Variants in CNTN1 observed in about 807,000 individuals in gnomAD.
CNTN1 encodes the protein contactin 1.
Under a neutral mutation model 126.4 loss-of-function variants are expected in CNTN1, and 38 were observed. The observed-to-expected ratio is 0.30, with a 90% CI of 0.23 to 0.39. The LOEUF is 0.39. Ranked by LOEUF, CNTN1 falls within the 10% of genes least tolerant of loss-of-function variation. The pLI is 1.00. For missense variants in CNTN1, 1,009 were observed against 1,248.4 expected (o/e 0.81, Z 2.89); for synonymous variants, 413 against 422.6 (o/e 0.98, Z 0.28).
chr12:40,765,288 T>C (rs1939035185), intron 1 of CNTN1, among the ~76,000 whole-genome samples: 1 of 152,140 alleles, frequency 6.6e-6, no homozygotes. Context: ...GTTCGAGTAA[T>C]ATGTCAAATT....
chr12:40,991,807 G>A (rs1057163259), intron 16 of CNTN1, among the ~76,000 whole-genome samples: 1 of 152,068 alleles, frequency 6.6e-6, no homozygotes, highest in Non-Finnish European at 1.5e-5. Context: ...CAGCCTGGGT[G>A]ACAGAGTGAG....
intron 1 of CNTN1, among the ~76,000 whole-genome samples, chr12:40,692,854 T>A (rs1195051805): frequency 1.3e-5 from 2 of 151,960 alleles, no homozygotes; most frequent in Non-Finnish European, 2.9e-5. Flanking sequence ...GAGCTCGGGG[T>A]CTGTGTCTCG....
intron 1 of CNTN1, among the ~76,000 whole-genome samples, chr12:40,783,327 G>A (rs1939879703): frequency 6.6e-6 from 1 of 152,012 alleles, no homozygotes; most frequent in Non-Finnish European, 1.5e-5. Context: ...ATATAGCTGT[G>A]TGAGATCAAA....
chr12:40,950,957 C>CATAT (rs201239947), intron 14 of CNTN1, among the ~76,000 whole-genome samples: 1 of 151,330 alleles, frequency 6.6e-6, no homozygotes, highest in East Asian at 1.9e-4. Flanking sequence ...TGGAATTAAG[C>CATAT]ATATATATAT....
chr12:41,052,592 T>C (rs1041087171), intron 23 of CNTN1, among the ~76,000 whole-genome samples: 1 of 152,140 alleles, frequency 6.6e-6, no homozygotes, highest in African/African-American at 2.4e-5. Context: ...TCTATCTTTG[T>C]AAACTATCAG....
intron 15 of CNTN1, chr12:40,972,244 G>C: frequency 6.1e-6 from 6 of 985,190 alleles, no homozygotes; most frequent in Non-Finnish European, 7.2e-6. Context: ...TAGATCGTTT[G>C]GGTGGAAGGT....
At chr12:40,891,600 C>A (rs752068759) in intron 1 of CNTN1, among the ~76,000 whole-genome samples, 5 of 151,994 alleles carry the variant, frequency 3.3e-5, no homozygotes, top group East Asian at 1.9e-4. Flanking sequence ...TTTGTTGTTG[C>A]GCATGGATGT....
chr12:40,704,957 T>C (rs1941701993), intron 1 of CNTN1, among the ~76,000 whole-genome samples: 4 of 152,316 alleles, frequency 2.6e-5, no homozygotes, highest in African/African-American at 9.6e-5. Context: ...GCTCAACATG[T>C]GAAAAGCTTA....
intron 12 of CNTN1, among the ~76,000 whole-genome samples, chr12:40,940,809 C>G (rs1946240675): frequency 6.6e-6 from 1 of 152,094 alleles, no homozygotes; most frequent in Non-Finnish European, 1.5e-5. Flanking sequence ...CAAAATGATA[C>G]TACAAGAAGG....
At chr12:40,754,626 T>C (rs1938530388) in intron 1 of CNTN1, among the ~76,000 whole-genome samples, 2 of 152,092 alleles carry the variant, frequency 1.3e-5, no homozygotes, top group African/African-American at 2.4e-5. Flanking sequence ...CAGGTTTTTC[T>C]TTTGAGCAAT....
intron 1 of CNTN1, among the ~76,000 whole-genome samples, chr12:40,836,539 C>T (rs1451955121): frequency 6.6e-6 from 1 of 151,968 alleles, no homozygotes; most frequent in Non-Finnish European, 1.5e-5. Flanking sequence ...AAGAAAGGAG[C>T]AAACTTTCTG....
chr12:40,715,694 A>G (rs1005263167), intron 1 of CNTN1, among the ~76,000 whole-genome samples: 6 of 152,130 alleles, frequency 3.9e-5, no homozygotes, highest in Non-Finnish European at 7.4e-5. Flanking sequence ...CTGATTTCAA[A>G]TCTCTTATAA....
chr12:40,738,397 T>A (rs1303866925), intron 1 of CNTN1, among the ~76,000 whole-genome samples: 1 of 152,030 alleles, frequency 6.6e-6, no homozygotes, highest in Non-Finnish European at 1.5e-5. Flanking sequence ...GTAAAAAAAA[T>A]TTAATCTTTA....
At chr12:41,053,483 G>A (rs1169244856) in intron 23 of CNTN1, among the ~76,000 whole-genome samples, 12 of 107,536 alleles carry the variant, frequency 1.1e-4, no homozygotes, top group Non-Finnish European at 1.7e-4. Context: ...CAATAATGCA[G>A]TGTCAGTTCT....
chr12:40,946,353 A>AAT (rs1214119465), intron 14 of CNTN1, among the ~76,000 whole-genome samples: 5 of 152,088 alleles, frequency 3.3e-5, no homozygotes, highest in Admixed American at 1.3e-4. Flanking sequence ...AATCTTAGTG[A>AAT]ATATATATAT....
chr12:40,728,871 A>G (rs2121252027), intron 1 of CNTN1: 1 of 152,326 alleles, frequency 6.6e-6, no homozygotes, highest in Non-Finnish European at 1.5e-5. Flanking sequence ...TCCTACCTGC[A>G]TCAACTGGGC....
chr12:40,933,603 C>T (rs771256157), intron 8 of CNTN1, 43 bp downstream of exon 8: 2 of 1,518,726 alleles, frequency 1.3e-6, no homozygotes, highest in East Asian at 2.3e-5. Context: ...AGAAATAGTA[C>T]CATTTTAGGA....
intron 1 of CNTN1, among the ~76,000 whole-genome samples, chr12:40,905,426 C>G (rs1944774319): frequency 6.6e-6 from 1 of 152,168 alleles, no homozygotes; most frequent in Non-Finnish European, 1.5e-5. Context: ...TTCTTTTTCT[C>G]TCTGGTCAGT....
intron 1 of CNTN1, among the ~76,000 whole-genome samples, chr12:40,827,190 C>T (rs10748171): frequency 0.41 from 59,145 of 143,092 alleles, 12,198 homozygotes; most frequent in East Asian, 0.68. Flanking sequence ...TTTTTTTTTT[C>T]AGGCAATGAA....
Sources: gnomAD v4.1 joint callset for allele counts (sites outside exome capture counted in the v4.1 genomes callset) on GRCh38, gnomAD v4.1.1 for gene constraint, MANE v1.5 for transcripts, NCBI Gene and HGNC (gene_info 2026-07-23, HGNC 2026-07-21) for gene names.